EPHA6: variants seen among roughly 807,000 people sequenced by gnomAD.
EPHA6 encodes EPH receptor A6.
EPHA6 carries 50 observed loss-of-function variants against 112.0 expected under a neutral mutation model. The observed-to-expected ratio is 0.45, with a 90% confidence interval of 0.36 to 0.56. The LOEUF (loss-of-function observed/expected upper bound fraction) is 0.56, where lower values mean the gene tolerates loss of function less well. Ranked by LOEUF, EPHA6 falls within the 20% of genes least tolerant of loss-of-function variation. EPHA6 has a pLI of 0.00. For synonymous variants in EPHA6, 529 were observed against 490.7 expected (o/e 1.08, Z -1.03); for missense variants, 1,280 against 1,417.4 (o/e 0.90, Z 1.56).
intron 5 of EPHA6, among the ~76,000 whole-genome samples, chr3:97,267,994 G>A (rs890387505): frequency 1.3e-5 from 2 of 152,148 alleles, no homozygotes; most frequent in Non-Finnish European, 2.9e-5. Flanking sequence ...AAGAACAAAG[G>A]TAGGGTCTTG....
intron 5 of EPHA6, among the ~76,000 whole-genome samples, chr3:97,258,800 G>A (rs941081697): frequency 2.0e-5 from 3 of 152,086 alleles, no homozygotes; most frequent in African/African-American, 4.8e-5. Context: ...TACAAAATAA[G>A]TATCTTGCAT....
chr3:96,987,550 T>C lies in EPHA6; in HGVS notation c.671T>C (p.Met224Thr), dbSNP rs1349788298. The change falls in exon 3 of 18, where the codon ATG becomes ACG. Residue 224 changes from methionine to threonine, a missense_variant. Coordinates refer to ENST00000389672, the MANE Select transcript of EPHA6 (RefSeq NM_001080448.3). The part of the protein sequence containing the change: ...TCKETFNLFY[M>T]ESDESHGIKF... Reference sequence around the variant, plus strand: ...AAAGAAACATTTAATCTGTTTTATATGGAATCAGATGAGTCCCACGGAATT... The same window carrying C: ...AAAGAAACATTTAATCTGTTTTATACGGAATCAGATGAGTCCCACGGAATT... The C allele has an allele frequency of 2.5e-6, 4 of 1,613,884 alleles. No individual in the cohort carries two copies. Among genetic ancestry groups the C allele is most frequent in the Non-Finnish European group, 3.4e-6 (4 of 1,179,812 alleles).
intron 14 of EPHA6, among the ~76,000 whole-genome samples, chr3:97,706,244 C>T (rs1029698973): frequency 6.6e-6 from 1 of 152,058 alleles, no homozygotes; most frequent in Admixed American, 6.6e-5. Context: ...TCCCTGTCAT[C>T]CTTTTATTTT....
chr3:97,084,140 A>T (rs2046820247), intron 3 of EPHA6, among the ~76,000 whole-genome samples: 1 of 133,422 alleles, frequency 7.5e-6, no homozygotes, highest in Non-Finnish European at 1.7e-5. Context: ...ATATCCATGC[A>T]CACACACACA....
rs1470324386 is a variant in EPHA6 at position 97,502,260 on chromosome 3, C to T, written c.2200+18201C>T. On this transcript the variant is annotated intron_variant, in intron 10 of 17. Coordinates refer to ENST00000389672, the MANE Select transcript of EPHA6 (RefSeq NM_001080448.3). Reference sequence around the variant, plus strand: ...CTCGGCTCACTGCAACCTCTGCCTCCTAGGTTCAAGTGTTTCTCCTGCCTC... The same window carrying T: ...CTCGGCTCACTGCAACCTCTGCCTCTTAGGTTCAAGTGTTTCTCCTGCCTC... 4.0e-5 allele frequency among the ~76,000 whole-genome samples: 6 copies of T among 150,920 alleles called. 1 individual carries two copies. The highest frequency in any genetic ancestry group is 2.6e-4 in the Admixed American group (4 of 15,174).
At chr3:97,692,441 A>AT (rs1173850785) in intron 14 of EPHA6, among the ~76,000 whole-genome samples, 2 of 151,982 alleles carry the variant, frequency 1.3e-5, no homozygotes, top group Non-Finnish European at 2.9e-5. Context: ...GTTTTGTTTT[A>AT]TTTTTTCTGA....
At chr3:97,378,956 G>C (rs1284556091) in intron 5 of EPHA6, among the ~76,000 whole-genome samples, 3 of 152,118 alleles carry the variant, frequency 2.0e-5, no homozygotes, top group Non-Finnish European at 2.9e-5. Flanking sequence ...AGTTAGGAAG[G>C]CATGATTTGT....
rs757619030 is a variant in EPHA6, at chr3:97,747,475, G to C, written c.3181G>C (p.Gly1061Arg). The C allele has an allele frequency of 3.1e-6, 5 of 1,605,184 alleles. No homozygotes were observed. The highest frequency in any genetic ancestry group is 3.4e-5 in the Admixed American group (2 of 58,906). The change falls in exon 17 of 18, where the codon GGT becomes CGT. Residue 1061 changes from glycine (G) to arginine (R), a missense_variant. Physicochemically the swap from Gly to Arg is moderately radical, Grantham distance 125. Transcript: ENST00000389672. ...GGAATATCCTTTGTTTGTCACAGTT[G>C]GTGACTGGCTAGATTCTATAAAGAT... ...VPEYPLFVTVGDWLDSIKMGQ... is the reference protein window; with the variant it reads ...VPEYPLFVTVRDWLDSIKMGQ...
At chr3:97,102,267 C>T (rs535158286) in intron 3 of EPHA6, among the ~76,000 whole-genome samples, 5 of 152,054 alleles carry the variant, frequency 3.3e-5, no homozygotes, top group East Asian at 3.9e-4. Context: ...CTTGGATTCT[C>T]TATCCCAGAC....
chr3:97,174,260 T>C (rs1042055629), intron 3 of EPHA6, among the ~76,000 whole-genome samples: 1 of 151,982 alleles, frequency 6.6e-6, no homozygotes, highest in Non-Finnish European at 1.5e-5. Flanking sequence ...TAGTACTTCA[T>C]TGTGTATATG....
At chr3:96,877,794 C>G (rs2037061482) in intron 2 of EPHA6, among the ~76,000 whole-genome samples, 1 of 151,800 alleles carries the variant, frequency 6.6e-6, no homozygotes, top group Admixed American at 6.6e-5. Context: ...TAATGCTTAA[C>G]TTAGTCTTCT....
At chr3:96,901,135 A>T (rs763861350) in intron 2 of EPHA6, among the ~76,000 whole-genome samples, 14 of 152,176 alleles carry the variant, frequency 9.2e-5, no homozygotes, top group Non-Finnish European at 1.8e-4. Context: ...GTTAATAGAG[A>T]CTAAAATTCA....
At chr3:97,306,618 A>G (rs1261287808) in intron 5 of EPHA6, among the ~76,000 whole-genome samples, 1 of 151,894 alleles carries the variant, frequency 6.6e-6, no homozygotes, top group Non-Finnish European at 1.5e-5. Flanking sequence ...CTCAGGAAAC[A>G]CAACATAAAA....
intron 5 of EPHA6, among the ~76,000 whole-genome samples, chr3:97,367,190 G>A (rs2084783163): frequency 6.6e-6 from 1 of 152,146 alleles, no homozygotes; most frequent in African/African-American, 2.4e-5. Flanking sequence ...AATCTATTGT[G>A]TTACATACAC....
intron 3 of EPHA6, among the ~76,000 whole-genome samples, chr3:97,195,212 G>C (rs2077408309): frequency 6.6e-6 from 1 of 151,572 alleles, no homozygotes; most frequent in Non-Finnish European, 1.5e-5. Flanking sequence ...ATATATTCTT[G>C]CTTTTTACTT....
At chr3:96,973,439 C>T (rs1453309910) in intron 2 of EPHA6, among the ~76,000 whole-genome samples, 1 of 152,038 alleles carries the variant, frequency 6.6e-6, no homozygotes, top group Non-Finnish European at 1.5e-5. Flanking sequence ...GTAATTGTAG[C>T]TATTACAGGT....
chr3:96,920,720 G>A (rs2039713733), intron 2 of EPHA6, among the ~76,000 whole-genome samples: 1 of 151,516 alleles, frequency 6.6e-6, no homozygotes, highest in South Asian at 2.1e-4. Flanking sequence ...TATGTCAATC[G>A]GTATATTTGT....
intron 3 of EPHA6, among the ~76,000 whole-genome samples, chr3:97,171,239 A>T (rs988108522): frequency 6.6e-6 from 1 of 152,194 alleles, no homozygotes; most frequent in Non-Finnish European, 1.5e-5. Flanking sequence ...TGAATGAAAA[A>T]CATTAAGTAT....
At chr3:97,003,498 G>A (rs769268477) in intron 3 of EPHA6, among the ~76,000 whole-genome samples, 1 of 152,046 alleles carries the variant, frequency 6.6e-6, no homozygotes, top group Non-Finnish European at 1.5e-5. Flanking sequence ...GGGGAAAAGA[G>A]AATTCCCACA....
Sources: gnomAD v4.1 joint callset for allele counts (sites outside exome capture counted in the v4.1 genomes callset) on GRCh38, gnomAD v4.1.1 for gene constraint, MANE v1.5 for transcripts, NCBI Gene and HGNC (gene_info 2026-07-23, HGNC 2026-07-21) for gene names.